MLLT1: variants seen among roughly 807,000 people sequenced by gnomAD.
The protein encoded by MLLT1 is MLLT1 super elongation complex subunit, also known as protein ENL.
In MLLT1, 11 loss-of-function variants were observed where a neutral mutation model predicts 55.1. The observed-to-expected ratio is 0.20, with a 90% confidence interval of 0.13 to 0.33. The LOEUF (loss-of-function observed/expected upper bound fraction) is 0.33, where lower values mean the gene tolerates loss of function less well. Among genes scored for constraint, MLLT1 ranks in the 10% least tolerant of loss-of-function variants. The pLI is 1.00. For synonymous variants in MLLT1, 323 were observed against 320.1 expected, an observed-to-expected ratio of 1.01 and a Z score of -0.10; for missense variants, 536 against 760.6, an observed-to-expected ratio of 0.70 and a Z score of 3.47.
chr19:6,275,948 G>T (rs2091425874), intron 1 of MLLT1, among the ~76,000 whole-genome samples: 1 of 152,224 alleles, frequency 6.6e-6, no homozygotes, highest in African/African-American at 2.4e-5. Context: ...GTTCTCCAGG[G>T]GGGAGGGGGA....
At chr19:6,234,315 C>G (rs11668210) in intron 3 of MLLT1, among the ~76,000 whole-genome samples, 43,047 of 152,156 alleles carry the variant, frequency 0.28, 7,101 homozygotes, top group African/African-American at 0.45. Context: ...GGAGCCCTGT[C>G]CGGAGGTGGA....
At chr19:6,223,896 C>T (rs1052643588) in intron 5 of MLLT1, among the ~76,000 whole-genome samples, 1 of 152,168 alleles carries the variant, frequency 6.6e-6, no homozygotes, top group African/African-American at 2.4e-5. Context: ...AGGTGCACGG[C>T]GGCCCCAGAG....
intron 1 of MLLT1, among the ~76,000 whole-genome samples, chr19:6,271,827 G>A (rs2091397231): frequency 1.3e-5 from 2 of 152,228 alleles, no homozygotes; most frequent in Admixed American, 1.3e-4. Context: ...TGACAGAGCC[G>A]CCCTCCCGGG....
At position 6,222,495 on chromosome 19, in the gene MLLT1, G is replaced by T; in HGVS notation, c.736C>A (p.Pro246Thr). The T allele has an allele frequency of 6.3e-7, 1 of 1,597,280 alleles. No individual in the cohort carries two copies. The highest frequency in any genetic ancestry group is 8.5e-7 in the Non-Finnish European group (1 of 1,178,538). The change falls in exon 6 of 12, where the codon CCG becomes ACG. Residue 246 changes from proline to threonine, a missense_variant. Pro to Thr is a conservative substitution (Grantham distance 38). Transcript: ENST00000252674. This position sits in a 1 kb window ranked among gnomAD's most constrained non-coding sequence, Gnocchi z 4.1. Reference protein sequence around the residue: ...GRLPKEEKAPPPKAAFKEPKM... With the variant: ...GRLPKEEKAPTPKAAFKEPKM... Reference sequence around the variant, plus strand: ...GGTTCCTTGAAGGCAGCCTTGGGCGGTGGCGCCTTCTCCTCCTTGGGCAGC... The same window carrying T: ...GGTTCCTTGAAGGCAGCCTTGGGCGTTGGCGCCTTCTCCTCCTTGGGCAGC...
intron 1 of MLLT1, among the ~76,000 whole-genome samples, chr19:6,277,921 A>C (rs544030463): frequency 2.0e-5 from 3 of 152,216 alleles, no homozygotes; most frequent in African/African-American, 7.2e-5. Flanking sequence ...GAAATCCACC[A>C]ATCAACTGCT....
intron 3 of MLLT1, among the ~76,000 whole-genome samples, chr19:6,243,761 C>T (rs1051578180): frequency 3.3e-5 from 5 of 152,054 alleles, no homozygotes; most frequent in Admixed American, 1.3e-4. Context: ...AGAAGTCAAT[C>T]GGCCGGGCAC....
chr19:6,233,217 G>C (rs1337882280), intron 3 of MLLT1, among the ~76,000 whole-genome samples: 1 of 152,238 alleles, frequency 6.6e-6, no homozygotes, highest in African/African-American at 2.4e-5. Context: ...TCCGGGGACA[G>C]GCGCCTCCTG....
At chr19:6,248,134 C>A (rs772858232) in intron 3 of MLLT1, among the ~76,000 whole-genome samples, 2 of 152,262 alleles carry the variant, frequency 1.3e-5, no homozygotes, top group African/African-American at 4.8e-5. Flanking sequence ...GTGATTCACT[C>A]GCCTTCGCCT....
intron 3 of MLLT1, among the ~76,000 whole-genome samples, chr19:6,257,017 T>C (rs1298209319): frequency 2.0e-5 from 3 of 152,164 alleles, no homozygotes; most frequent in Admixed American, 6.5e-5. Flanking sequence ...TCACTTCATA[T>C]ATGAAAGTTC....
rs1208555820 is a variant in MLLT1 at position 6,212,039 on chromosome 19, C to A, written c.*1003G>T. ...CGCCTCAGAAAACTCCATAAACTATCCCGTCTTATTTGGCAAAAGCTCATA... is the reference window on the plus strand; with the variant it reads ...CGCCTCAGAAAACTCCATAAACTATACCGTCTTATTTGGCAAAAGCTCATA... On this transcript the variant is annotated 3_prime_UTR_variant, in exon 12 of 12. Coordinates refer to ENST00000252674, the MANE Select transcript of MLLT1 (RefSeq NM_005934.4). 2.8e-6 allele frequency: 3 copies of A among 1,065,960 alleles called. No homozygotes were observed. Among genetic ancestry groups the A allele is most frequent in the Non-Finnish European group, 2.3e-6 (2 of 879,506 alleles). The allele number at this position is 1,065,960 out of a possible 1,614,324, so 66.0% of individuals were successfully genotyped here.
intron 3 of MLLT1, among the ~76,000 whole-genome samples, chr19:6,251,832 T>C (rs1486946277): frequency 6.6e-6 from 1 of 151,400 alleles, no homozygotes; most frequent in Non-Finnish European, 1.5e-5. Flanking sequence ...CATGCACCTG[T>C]GGTCCCAGCC....
chr19:6,230,229 C>T lies in MLLT1; in HGVS notation c.420+341G>A, dbSNP rs1043659011. On this transcript the variant is annotated intron_variant, in intron 4 of 11. Coordinates refer to ENST00000252674, the MANE Select transcript of MLLT1 (RefSeq NM_005934.4). The surrounding 1 kb of genome is among the most constrained non-coding windows in gnomAD (Gnocchi z 9.0). ...CGATGCGCACGGCAGGGGCCCTGTG[C>T]GGAGGCCCTGCCCAGCTAGTTACAA... Among the ~76,000 whole-genome samples, 9 of 152,210 alleles carry T rather than the reference C, an allele frequency of 5.9e-5. No homozygotes were observed. The highest frequency in any genetic ancestry group is 9.6e-5 in the African/African-American group (4 of 41,452).
At position 6,212,327 on chromosome 19, in the gene MLLT1, G is replaced by A. The variant is rs2090783429; in HGVS notation, c.*715C>T. ...GGGAGAATTCCTCCATGCGCCTGGA[G>A]AGGGCCAGCTGCCGTGCCTGGCTCG... On this transcript the variant is annotated 3_prime_UTR_variant, in exon 12 of 12. Coordinates refer to ENST00000252674, the MANE Select transcript of MLLT1 (RefSeq NM_005934.4). The A allele has an allele frequency of 9.4e-7, 1 of 1,064,446 alleles. No homozygotes were observed. The highest frequency in any genetic ancestry group is 1.7e-5 in the African/African-American group (1 of 60,478). The allele number at this position is 1,064,446 out of a possible 1,614,324, so 65.9% of individuals were successfully genotyped here.
intron 2 of MLLT1, among the ~76,000 whole-genome samples, chr19:6,268,619 T>C (rs953448414): frequency 2.0e-5 from 3 of 152,226 alleles, no homozygotes; most frequent in Non-Finnish European, 2.9e-5. Context: ...ACTCCCTCTC[T>C]AAAGTTTTAT....
At chr19:6,252,043 G>A (rs567342918) in intron 3 of MLLT1, among the ~76,000 whole-genome samples, 2 of 152,348 alleles carry the variant, frequency 1.3e-5, no homozygotes, top group East Asian at 1.9e-4. Context: ...ACACTGGCAT[G>A]TAAGTCGGGC....
At position 6,213,011 on chromosome 19, in the gene MLLT1, C is replaced by T. The variant is rs376013804; in HGVS notation, c.*31G>A. 3.6e-4 allele frequency: 584 copies of T among 1,609,546 alleles called. 2 individuals carry two copies. The highest frequency in any genetic ancestry group is 3.4e-4 in the Middle Eastern group (2 of 5,928). ...GCCTGGCTGCAGCCTCCCAGGACCCCGGCGGTGGGGGCCCGGCACGCGGCC... is the reference window on the plus strand; with the variant it reads ...GCCTGGCTGCAGCCTCCCAGGACCCTGGCGGTGGGGGCCCGGCACGCGGCC... On this transcript the variant is annotated 3_prime_UTR_variant, in exon 12 of 12. Transcript: ENST00000252674.
At chr19:6,268,542 G>A (rs968920365) in intron 2 of MLLT1, among the ~76,000 whole-genome samples, 12 of 152,156 alleles carry the variant, frequency 7.9e-5, no homozygotes, top group African/African-American at 4.8e-5. Context: ...AAGCTGGGGC[G>A]GAAGTAAAAG....
At chr19:6,216,550 G>C in intron 7 of MLLT1, 37 bp from the exon 8 acceptor site, 1 of 1,456,136 alleles carries the variant, frequency 6.9e-7, no homozygotes, top group Non-Finnish European at 9.4e-7. Flanking sequence ...GGAGACAAGG[G>C]CAGGGCTCCA....
chr19:6,270,462 G>A lies in MLLT1; in HGVS notation c.193+117C>T. ...GCCCCCACGCCGAGGGACGCAAGCT[G>A]GAACCTCATGGTTGGAGGGGTCCTG... On this transcript the variant is annotated intron_variant, in intron 2 of 11. Coordinates refer to ENST00000252674, the MANE Select transcript of MLLT1 (RefSeq NM_005934.4). The surrounding 1 kb of genome is among the most constrained non-coding windows in gnomAD (Gnocchi z 7.1). The A allele has an allele frequency of 8.8e-7, 1 of 1,134,026 alleles. No individual in the cohort carries two copies. The highest frequency in any genetic ancestry group is 1.2e-6 in the Non-Finnish European group (1 of 814,258). The allele number at this position is 1,134,026 out of a possible 1,614,324, so 70.2% of individuals were successfully genotyped here.
Sources: allele counts gnomAD v4.1 joint callset (sites outside exome capture counted in the v4.1 genomes callset), GRCh38; gene constraint gnomAD v4.1.1; non-coding constraint Gnocchi (gnomAD v3.1); transcripts MANE v1.5; gene names NCBI Gene and HGNC (gene_info 2026-07-23, HGNC 2026-07-21).